The following USP53 variants were observed in gnomAD, a reference collection of about 807,000 sequenced individuals.
The protein encoded by USP53 is ubiquitin specific peptidase 53.
A neutral mutation model predicts 94.9 loss-of-function variants in USP53; 71 were observed. The observed-to-expected ratio is 0.75, with a 90% CI of 0.62 to 0.91. The LOEUF (loss-of-function observed/expected upper bound fraction) is 0.91, where lower values mean the gene tolerates loss of function less well. Among genes scored for constraint, USP53 ranks in the 40% least tolerant of loss-of-function variants. USP53 has a pLI of 0.00. For synonymous variants in USP53, 375 were observed against 422.7 expected (o/e 0.89, Z 1.39); for missense variants, 1,173 against 1,281.0 (o/e 0.92, Z 1.29).
rs1751936369 is a variant in USP53 at position 119,272,010 on chromosome 4, GTGT to G, written c.2152_2154del (p.Val718del). 6.3e-7 allele frequency: 1 copy of G among 1,596,748 alleles called. No individual in the cohort carries two copies. On this transcript the variant is annotated inframe_deletion, in exon 16 of 19. Coordinates refer to ENST00000692078, the MANE Select transcript of USP53 (RefSeq NM_001371395.1). ...AATGGTACAGTAATGGATATCAGTG[GTGT>G]TAAAGAAACAGTATGCTTCAGGTAA...
intron 12 of USP53, among the ~76,000 whole-genome samples, chr4:119,262,619 C>CT (rs1750647054): frequency 6.6e-6 from 1 of 152,182 alleles, no homozygotes; most frequent in Admixed American, 6.5e-5. Context: ...TTCATCCTTG[C>CT]TGTCTTCACG....
intron 4 of USP53, among the ~76,000 whole-genome samples, chr4:119,237,437 T>G (rs1394985317): frequency 3.9e-5 from 6 of 152,098 alleles, no homozygotes; most frequent in Non-Finnish European, 7.3e-5. Flanking sequence ...GGTGCTAAAC[T>G]ATTCATAGAT....
In USP53 at chr4:119,271,419, G is replaced by T. The variant is rs568951821; in HGVS notation, c.1559G>T (p.Arg520Leu). The T allele has an allele frequency of 6.2e-7, 1 of 1,613,834 alleles. No homozygotes were observed. Among genetic ancestry groups the T allele is most frequent in the African/African-American group, 1.3e-5 (1 of 74,876 alleles). ...SQGKGSYKHD[R>L]VVPQSRASAQ... is the part of the protein sequence containing the mutation. ...GGAAAAGGATCATATAAACATGACC[G>T]AGTTGTACCTCAGAGTCGAGCTTCT... The change falls in exon 16 of 19, where the codon CGA becomes CTA. Residue 520 changes from arginine to leucine, a missense_variant. Transcript: ENST00000692078.
rs775463286 is a variant in USP53, at chr4:119,268,282, G to A, written c.1150G>A (p.Val384Ile). 4 of 1,611,866 alleles carry A rather than the reference G, an allele frequency of 2.5e-6. No individual in the cohort carries two copies. The highest frequency in any genetic ancestry group is 1.7e-5 in the Admixed American group (1 of 59,674). ...CTCTTTTTAAGGATGTGAAAAGCCTGTAATTCATAAGTCAGATAATTTAAA... is the reference window on the plus strand; with the variant it reads ...CTCTTTTTAAGGATGTGAAAAGCCTATAATTCATAAGTCAGATAATTTAAA... ...VAENMGCEKP[V>I]IHKSDNLKEN... Residue 384 changes from valine to isoleucine, a missense_variant, in exon 14 of 19, where the codon GTA becomes ATA. Transcript: ENST00000692078.
At chr4:119,238,851 A>T (rs1747146976) in intron 4 of USP53, among the ~76,000 whole-genome samples, 1 of 152,186 alleles carries the variant, frequency 6.6e-6, no homozygotes. Flanking sequence ...ATTTACATAA[A>T]ATCTGTCTTT....
intron 7 of USP53, among the ~76,000 whole-genome samples, chr4:119,250,312 C>G (rs1748797761): frequency 6.6e-6 from 1 of 152,118 alleles, no homozygotes; most frequent in South Asian, 2.1e-4. Flanking sequence ...AACACATGAC[C>G]AAACCACCCA....
intron 3 of USP53, among the ~76,000 whole-genome samples, chr4:119,230,637 G>T (rs1420790996): frequency 6.6e-6 from 1 of 152,160 alleles, no homozygotes; most frequent in Non-Finnish European, 1.5e-5. Context: ...CAGAAAAGAA[G>T]TTGGATTCAG....
intron 7 of USP53, among the ~76,000 whole-genome samples, chr4:119,255,382 G>T (rs1303177037): frequency 6.6e-6 from 1 of 152,138 alleles, no homozygotes. Flanking sequence ...GGTGGGCTCT[G>T]CCCAGTTCAA....
At chr4:119,251,082 G>A (rs772300851) in intron 7 of USP53, among the ~76,000 whole-genome samples, 25 of 146,840 alleles carry the variant, frequency 1.7e-4, no homozygotes, top group Non-Finnish European at 3.4e-4. Flanking sequence ...AGGCCTCAGT[G>A]TGTGATATTC....
intron 6 of USP53, 152 bp downstream of exon 6, chr4:119,245,581 T>C: frequency 1.7e-6 from 1 of 594,726 alleles, no homozygotes. Flanking sequence ...TTATTCAGGT[T>C]TGTGTTTTCA....
chr4:119,253,146 A>G (rs1020616778), intron 7 of USP53, among the ~76,000 whole-genome samples: 2 of 151,994 alleles, frequency 1.3e-5, no homozygotes, highest in Non-Finnish European at 2.9e-5. Context: ...TTTACTTCCA[A>G]TTATGTGGTC....
At chr4:119,274,268 C>G (rs1752286928) in intron 17 of USP53, among the ~76,000 whole-genome samples, 1 of 125,870 alleles carries the variant, frequency 7.9e-6, no homozygotes, top group Admixed American at 9.1e-5. Context: ...CCACCGCAGT[C>G]CCCAGAGTGT....
intron 12 of USP53, chr4:119,266,325 G>T (rs748387011): frequency 8.8e-6 from 4 of 456,118 alleles, no homozygotes; most frequent in South Asian, 6.2e-5. Context: ...GGGATTTCTG[G>T]GTTGTGTGGT....
At chr4:119,252,711 GT>G (rs996767090) in intron 7 of USP53, among the ~76,000 whole-genome samples, 2 of 151,926 alleles carry the variant, frequency 1.3e-5, no homozygotes, top group Non-Finnish European at 2.9e-5. Context: ...GTTTTGAAGG[GT>G]TTTTTTGTGT....
At chr4:119,232,597 T>G (rs1374578327) in intron 3 of USP53, among the ~76,000 whole-genome samples, 1 of 152,192 alleles carries the variant, frequency 6.6e-6, no homozygotes, top group African/African-American at 2.4e-5. Context: ...TAATGCTCTG[T>G]TAGCTATTTT....
chr4:119,231,668 A>G (rs1193703158), intron 3 of USP53, among the ~76,000 whole-genome samples: 1 of 152,168 alleles, frequency 6.6e-6, no homozygotes, highest in East Asian at 1.9e-4. Context: ...GATTTATTAC[A>G]GTGAAAGGAT....
At chr4:119,259,564 C>G (rs1245967990) in intron 9 of USP53, among the ~76,000 whole-genome samples, 1 of 152,022 alleles carries the variant, frequency 6.6e-6, no homozygotes, top group African/African-American at 2.4e-5. Context: ...GCATGTTAGC[C>G]TCATTTATCT....
At chr4:119,260,426 TGTC>T in intron 10 of USP53, 78 bp from the exon 11 acceptor site, 1 of 1,257,368 alleles carries the variant, frequency 8.0e-7, no homozygotes, top group Non-Finnish European at 1.1e-6. Flanking sequence ...GTGTTAAAAT[TGTC>T]ATTATATAAT....
intron 6 of USP53, among the ~76,000 whole-genome samples, chr4:119,247,509 C>T (rs539221735): frequency 2.6e-5 from 4 of 152,246 alleles, no homozygotes; most frequent in South Asian, 2.1e-4. Context: ...TTCCTATCCC[C>T]GTTACACTGC....
Sources: allele counts gnomAD v4.1 joint callset (sites outside exome capture counted in the v4.1 genomes callset), GRCh38; gene constraint gnomAD v4.1.1; transcripts MANE v1.5; gene names NCBI Gene and HGNC (gene_info 2026-07-23, HGNC 2026-07-21).